The following KCNIP4 variants were observed in gnomAD, a reference collection of about 807,000 sequenced individuals.
KCNIP4 encodes potassium voltage-gated channel interacting protein 4.
In KCNIP4, 12 loss-of-function variants were observed where a neutral mutation model predicts 34.0. That is an observed-to-expected ratio of 0.35 (90% CI 0.23 to 0.57). KCNIP4 has a LOEUF of 0.57. KCNIP4 is among the 20% of genes least tolerant of loss of function. The pLI is 0.83. For missense variants in KCNIP4, 238 were observed against 311.7 expected, an observed-to-expected ratio of 0.76 and a Z score of 1.78; for synonymous variants, 124 against 102.2, an observed-to-expected ratio of 1.21 and a Z score of -1.29.
At chr4:20,949,872 G>C (rs1732591789) in intron 1 of KCNIP4, among the ~76,000 whole-genome samples, 1 of 119,526 alleles carries the variant, frequency 8.4e-6, no homozygotes, top group Non-Finnish European at 1.7e-5. Context: ...GTGGGGGGAG[G>C]GGGGAGGGAT....
chr4:20,777,852 A>T (rs1032608424), intron 3 of KCNIP4, among the ~76,000 whole-genome samples: 1 of 152,356 alleles, frequency 6.6e-6, no homozygotes, highest in Admixed American at 6.5e-5. Context: ...CAAAGCTTAC[A>T]GCTATCAGTT....
intron 1 of KCNIP4, among the ~76,000 whole-genome samples, chr4:21,230,387 C>G (rs537695430): frequency 6.6e-6 from 1 of 152,074 alleles, no homozygotes; most frequent in Non-Finnish European, 1.5e-5. Context: ...GCAGGATGTG[C>G]AGGTTTGTTA....
chr4:20,959,228 G>A (rs1733618311), intron 1 of KCNIP4, among the ~76,000 whole-genome samples: 1 of 152,140 alleles, frequency 6.6e-6, no homozygotes, highest in Non-Finnish European at 1.5e-5. Context: ...CCCTACTACA[G>A]GTAGCCAAAA....
intron 1 of KCNIP4, among the ~76,000 whole-genome samples, chr4:21,800,890 G>A (rs34773596): frequency 0.38 from 58,239 of 152,042 alleles, 12,677 homozygotes; most frequent in Non-Finnish European, 0.51. Context: ...CTATAGCTTC[G>A]AAAAAAGATT....
At chr4:21,080,150 A>C (rs1745877663) in intron 1 of KCNIP4, among the ~76,000 whole-genome samples, 1 of 151,812 alleles carries the variant, frequency 6.6e-6, no homozygotes, top group African/African-American at 2.4e-5. Context: ...ACTCTGACCC[A>C]GCCTGGCCAG....
chr4:21,872,334 C>T (rs1725867885), intron 1 of KCNIP4, among the ~76,000 whole-genome samples: 1 of 152,180 alleles, frequency 6.6e-6, no homozygotes, highest in African/African-American at 2.4e-5. Context: ...ACTCCTACTC[C>T]AGCGCTATGA....
intron 1 of KCNIP4, among the ~76,000 whole-genome samples, chr4:21,761,619 A>G (rs1322459711): frequency 8.6e-6 from 1 of 116,462 alleles, no homozygotes; most frequent in Non-Finnish European, 1.8e-5. Context: ...ATAAATTTGT[A>G]AAACAAGTAC....
intron 1 of KCNIP4, among the ~76,000 whole-genome samples, chr4:21,525,454 G>T (rs72619157): frequency 0.32 from 49,043 of 151,868 alleles, 8,267 homozygotes; most frequent in South Asian, 0.46. Flanking sequence ...GCTTACATTT[G>T]AACTTCAGGC....
At chr4:21,390,544 A>G (rs1315385093) in intron 1 of KCNIP4, among the ~76,000 whole-genome samples, 1 of 152,162 alleles carries the variant, frequency 6.6e-6, no homozygotes, top group South Asian at 2.1e-4. Flanking sequence ...TCCCAGCACC[A>G]TTTATTAAAT....
intron 1 of KCNIP4, among the ~76,000 whole-genome samples, chr4:21,234,022 A>G: frequency 8.2e-6 from 1 of 122,110 alleles, no homozygotes; most frequent in Admixed American, 9.0e-5. Flanking sequence ...TATAACATAT[A>G]TTATATATAA....
intron 1 of KCNIP4, among the ~76,000 whole-genome samples, chr4:20,984,445 A>G (rs556190777): frequency 5.1e-4 from 77 of 152,270 alleles, no homozygotes; most frequent in African/African-American, 1.7e-3. Context: ...CGCCTCTGGC[A>G]GAGAGCTCAG....
intron 1 of KCNIP4, among the ~76,000 whole-genome samples, chr4:20,892,569 C>T (rs1446618605): frequency 1.3e-5 from 2 of 152,090 alleles, no homozygotes; most frequent in African/African-American, 2.4e-5. Flanking sequence ...TGTCTCTACC[C>T]CGACTCAGTC....
intron 1 of KCNIP4, among the ~76,000 whole-genome samples, chr4:21,902,518 A>G (rs1727763973): frequency 6.6e-6 from 1 of 152,142 alleles, no homozygotes; most frequent in East Asian, 1.9e-4. Context: ...ACCTTCTGGG[A>G]AAGAGACATT....
chr4:21,292,484 T>C (rs918264470), intron 1 of KCNIP4, among the ~76,000 whole-genome samples: 1 of 152,176 alleles, frequency 6.6e-6, no homozygotes. Context: ...TGCAGTAATA[T>C]ACCCAAGAAA....
intron 1 of KCNIP4, among the ~76,000 whole-genome samples, chr4:21,589,096 CTAAG>C (rs745432697): frequency 6.5e-5 from 9 of 139,222 alleles, no homozygotes; most frequent in Non-Finnish European, 1.4e-4. Context: ...ATAAAATAGT[CTAAG>C]TAATCAGTTA....
chr4:21,531,666 C>T (rs374881686), intron 1 of KCNIP4, among the ~76,000 whole-genome samples: 2 of 151,792 alleles, frequency 1.3e-5, no homozygotes, highest in African/African-American at 4.8e-5. Flanking sequence ...CGTGAGCCAC[C>T]GCACCCGGCC....
At chr4:20,908,619 G>A (rs1223846217) in intron 1 of KCNIP4, among the ~76,000 whole-genome samples, 1 of 152,118 alleles carries the variant, frequency 6.6e-6, no homozygotes, top group Non-Finnish European at 1.5e-5. Flanking sequence ...AAGAGAACAG[G>A]TCAGGCATTA....
At chr4:21,232,059 A>T (rs1207357645) in intron 1 of KCNIP4, among the ~76,000 whole-genome samples, 2 of 152,158 alleles carry the variant, frequency 1.3e-5, no homozygotes, top group Non-Finnish European at 2.9e-5. Context: ...CTTGTATTTG[A>T]CAGGCGGCCT....
intron 1 of KCNIP4, among the ~76,000 whole-genome samples, chr4:21,602,223 C>A (rs555251343): frequency 6.6e-6 from 1 of 152,014 alleles, no homozygotes; most frequent in Admixed American, 6.6e-5. Flanking sequence ...CAGCATTGAT[C>A]ACATCTAGGT....
Sources: allele counts gnomAD v4.1 joint callset (sites outside exome capture counted in the v4.1 genomes callset), GRCh38; gene constraint gnomAD v4.1.1; transcripts MANE v1.5; gene names NCBI Gene and HGNC (gene_info 2026-07-23, HGNC 2026-07-21).